PAM: variants seen among roughly 807,000 people sequenced by gnomAD.
The protein encoded by PAM is peptidyl-glycine alpha-amidating monooxygenase.
Under a neutral mutation model 122.1 loss-of-function variants are expected in PAM, and 72 were observed. The observed-to-expected ratio is 0.59, with a 90% CI of 0.49 to 0.72. The LOEUF is 0.72. PAM is among the 30% of genes least tolerant of loss of function. PAM has a pLI of 0.00. For missense variants in PAM, 1,106 were observed against 1,183.7 expected (o/e 0.93, Z 0.96); for synonymous variants, 389 against 404.4 (o/e 0.96, Z 0.46).
At chr5:102,934,108 G>C (rs550577411) in intron 7 of PAM, among the ~76,000 whole-genome samples, 8 of 152,066 alleles carry the variant, frequency 5.3e-5, no homozygotes, top group Non-Finnish European at 1.2e-4. Flanking sequence ...AGAGTATTTC[G>C]GAATACTTTC....
intron 1 of PAM, among the ~76,000 whole-genome samples, chr5:102,761,782 T>C (rs1214965832): frequency 2.0e-5 from 3 of 152,258 alleles, no homozygotes; most frequent in African/African-American, 7.2e-5. Flanking sequence ...TTTATGAAGA[T>C]ATTAGTTAAT....
At chr5:102,773,995 G>A (rs1756471793) in intron 1 of PAM, among the ~76,000 whole-genome samples, 1 of 152,002 alleles carries the variant, frequency 6.6e-6, no homozygotes, top group African/African-American at 2.4e-5. Context: ...GCATTAGTTT[G>A]GTAAGGTTAA....
chr5:102,856,244 A>G (rs1461964906), intron 1 of PAM, among the ~76,000 whole-genome samples: 1 of 152,148 alleles, frequency 6.6e-6, no homozygotes, highest in African/African-American at 2.4e-5. Flanking sequence ...CTGACTCAAC[A>G]ATGTTTCAAG....
intron 1 of PAM, among the ~76,000 whole-genome samples, chr5:102,834,877 CAG>C (rs144051207): frequency 0.088 from 13,412 of 151,970 alleles, 1,103 homozygotes; most frequent in African/African-American, 0.22. Flanking sequence ...AACGGCAAAT[CAG>C]GGGGATGAGT....
chr5:102,831,426 CT>C (rs976559268), intron 1 of PAM, among the ~76,000 whole-genome samples: 2 of 106,396 alleles, frequency 1.9e-5, no homozygotes, highest in African/African-American at 7.5e-5. Flanking sequence ...TTATCGAGCT[CT>C]TTTTTTTTCC....
At chr5:102,958,151 T>C (rs1304768825) in intron 12 of PAM, among the ~76,000 whole-genome samples, 5 of 152,090 alleles carry the variant, frequency 3.3e-5, no homozygotes, top group Non-Finnish European at 7.4e-5. Flanking sequence ...CCTTCTCCAG[T>C]GAAAACATGG....
intron 1 of PAM, among the ~76,000 whole-genome samples, chr5:102,771,867 C>T (rs1424628616): frequency 6.6e-6 from 1 of 152,104 alleles, no homozygotes; most frequent in Non-Finnish European, 1.5e-5. Context: ...GCTAGAAGGG[C>T]TGTGGCTGGG....
rs576067105 is a variant in PAM at position 102,823,166 on chromosome 5, T to C, written c.-373-42657T>C. ...GACTGAGGGAGCCTGAATCCCCTTG[T>C]CTTAGTCTCAGGCTTTAGCTAACAC... On this transcript the variant is annotated intron_variant, in intron 1 of 25. Transcript: ENST00000438793. 4.6e-5 allele frequency among the ~76,000 whole-genome samples: 7 copies of C among 152,288 alleles called. No homozygotes were observed. The South Asian group carries it at 1.2e-3, about 27-fold the overall frequency.
intron 1 of PAM, among the ~76,000 whole-genome samples, chr5:102,819,963 G>T (rs562221622): frequency 3.3e-5 from 5 of 152,056 alleles, no homozygotes; most frequent in African/African-American, 1.2e-4. Context: ...CCCCATCATC[G>T]CATGATACTT....
downstream of PAM, chr5:103,029,934 C>T (rs1039995199): frequency 2.6e-5 from 4 of 152,082 alleles, no homozygotes; most frequent in Non-Finnish European, 5.9e-5. Context: ...TTCTAAAATC[C>T]AAAGAGGGTT....
intron 3 of PAM, 91 bp downstream of exon 3, chr5:102,867,484 C>A: frequency 1.1e-6 from 1 of 869,772 alleles, no homozygotes; most frequent in Non-Finnish European, 1.8e-6. Flanking sequence ...GTAGGAACTT[C>A]TTTAAACGTA....
chr5:103,017,461 C>A, intron 22 of PAM, 28 bp downstream of exon 22: 1 of 1,342,408 alleles, frequency 7.4e-7, no homozygotes, highest in Non-Finnish European at 1.1e-6. Context: ...TTATTGTTCA[C>A]ATTTTCCCTC....
intron 1 of PAM, among the ~76,000 whole-genome samples, chr5:102,764,027 A>T (rs1420196201): frequency 6.6e-6 from 1 of 152,120 alleles, no homozygotes; most frequent in African/African-American, 2.4e-5. Flanking sequence ...CTGGTGGTGG[A>T]TACTGGGAAG....
intron 1 of PAM, among the ~76,000 whole-genome samples, chr5:102,782,022 G>T (rs1759087291): frequency 6.6e-6 from 1 of 152,206 alleles, no homozygotes; most frequent in South Asian, 2.1e-4. Context: ...CCGTGTTCTT[G>T]TCCACTACTT....
At chr5:102,973,221 G>A (rs990048903) in intron 14 of PAM, among the ~76,000 whole-genome samples, 1 of 152,154 alleles carries the variant, frequency 6.6e-6, no homozygotes, top group Admixed American at 6.5e-5. Context: ...GAGCAGATTT[G>A]TGTTTTCATT....
At chr5:102,759,068 T>G (rs1455790507) in intron 1 of PAM, among the ~76,000 whole-genome samples, 1 of 152,180 alleles carries the variant, frequency 6.6e-6, no homozygotes, top group Non-Finnish European at 1.5e-5. Flanking sequence ...GACTGAAAGG[T>G]CTAGAGAGGG....
intron 1 of PAM, among the ~76,000 whole-genome samples, chr5:102,843,221 T>A (rs1779098003): frequency 6.6e-6 from 1 of 152,234 alleles, no homozygotes; most frequent in Non-Finnish European, 1.5e-5. Flanking sequence ...TCACATTGAG[T>A]ATGTATATTT....
chr5:102,761,595 T>C (rs1263554890), intron 1 of PAM, among the ~76,000 whole-genome samples: 1 of 152,256 alleles, frequency 6.6e-6, no homozygotes, highest in Non-Finnish European at 1.5e-5. Flanking sequence ...AGAATTTCAC[T>C]TATTTATGCC....
chr5:102,871,309 T>A (rs749112866), intron 3 of PAM, among the ~76,000 whole-genome samples: 8 of 152,300 alleles, frequency 5.3e-5, no homozygotes, highest in Non-Finnish European at 8.8e-5. Context: ...ATACTAATAT[T>A]ATTATTACTT....
Sources: allele counts gnomAD v4.1 joint callset (sites outside exome capture counted in the v4.1 genomes callset), GRCh38; gene constraint gnomAD v4.1.1; transcripts MANE v1.5; gene names NCBI Gene and HGNC (gene_info 2026-07-23, HGNC 2026-07-21).